SOS1: variants seen among roughly 807,000 people sequenced by gnomAD.
SOS1 encodes SOS Ras/Rac guanine nucleotide exchange factor 1, also known as son of sevenless homolog 1.
SOS1 carries 25 observed loss-of-function variants against 157.6 expected under a neutral mutation model. That is an observed-to-expected ratio of 0.16 (90% CI 0.12 to 0.22). The LOEUF is 0.22. Ranked by LOEUF, SOS1 falls within the 10% of genes least tolerant of loss-of-function variation. The pLI, the probability that SOS1 is intolerant of heterozygous loss-of-function variation, is 1.00. For synonymous variants in SOS1, 528 were observed against 534.0 expected, an observed-to-expected ratio of 0.99 and a Z score of 0.16; for missense variants, 1,237 against 1,599.1, an observed-to-expected ratio of 0.77 and a Z score of 3.86.
chr2:39,010,885 T>C (rs1346161425), intron 14 of SOS1, among the ~76,000 whole-genome samples, 182 bp from the exon 15 acceptor site: 1 of 138,786 alleles, frequency 7.2e-6, no homozygotes, highest in Non-Finnish European at 1.5e-5. Flanking sequence ...TCCTTATGGA[T>C]TTTTTTTAAA....
At chr2:39,074,477 T>C (rs1308501341) in intron 1 of SOS1, among the ~76,000 whole-genome samples, 8 of 151,662 alleles carry the variant, frequency 5.3e-5, no homozygotes, top group African/African-American at 9.7e-5. Context: ...GGCAGGAGAA[T>C]TGCTTGAACC....
At chr2:39,062,033 G>A (rs1310951468) in intron 2 of SOS1, among the ~76,000 whole-genome samples, 1 of 151,950 alleles carries the variant, frequency 6.6e-6, no homozygotes, top group African/African-American at 2.4e-5. Flanking sequence ...ACTTTGGTAT[G>A]TGTGGGAGAA....
At chr2:39,013,624 C>T in intron 12 of SOS1, 61 bp from the exon 13 acceptor site, 1 of 1,117,264 alleles carries the variant, frequency 9.0e-7, no homozygotes, top group Non-Finnish European at 1.4e-6. Context: ...TATCACAATG[C>T]ACAGTACAAT....
intron 17 of SOS1, among the ~76,000 whole-genome samples, chr2:39,000,891 G>C (rs1030590201): frequency 5.3e-5 from 8 of 152,150 alleles, no homozygotes; most frequent in Non-Finnish European, 8.8e-5. Context: ...CAGGATATGA[G>C]AATCAATTCT....
At chr2:39,003,208 G>A (rs1005543540) in intron 17 of SOS1, among the ~76,000 whole-genome samples, 1 of 151,810 alleles carries the variant, frequency 6.6e-6, no homozygotes, top group Non-Finnish European at 1.5e-5. Flanking sequence ...AAGCAAGTAA[G>A]TGAAAACAGA....
intron 1 of SOS1, among the ~76,000 whole-genome samples, chr2:39,115,013 C>T (rs770877235): frequency 1.3e-5 from 2 of 152,126 alleles, no homozygotes; most frequent in Non-Finnish European, 2.9e-5. Flanking sequence ...CTGCTATCTC[C>T]CTATACACTA....
chr2:39,090,341 G>A (rs975664476), intron 1 of SOS1, among the ~76,000 whole-genome samples: 2 of 152,022 alleles, frequency 1.3e-5, no homozygotes, highest in Non-Finnish European at 2.9e-5. Flanking sequence ...TGGGGGCTGG[G>A]GGCTGGTTGA....
chr2:39,085,565 A>T (rs1250222961), intron 1 of SOS1, among the ~76,000 whole-genome samples: 3 of 152,230 alleles, frequency 2.0e-5, no homozygotes, highest in Admixed American at 1.3e-4. Context: ...TAGTAAACCA[A>T]AGCCATAACA....
At chr2:39,052,151 AGAGT>A (rs1671038231) in intron 5 of SOS1, among the ~76,000 whole-genome samples, 1 of 152,214 alleles carries the variant, frequency 6.6e-6, no homozygotes, top group Non-Finnish European at 1.5e-5. Flanking sequence ...CCATATAAAT[AGAGT>A]GACTATCCTT....
At position 39,093,911 on chromosome 2, in the gene SOS1, G is replaced by A. The variant is rs2148192255; in HGVS notation, c.88-26158C>T. Among the ~76,000 whole-genome samples the A allele has an allele frequency of 1.3e-5, 2 of 152,262 alleles. 1 individual carries two copies. The highest frequency in any genetic ancestry group is 4.1e-4 in the South Asian group (2 of 4,828). ...TAACCTAAAAGAAACTACCACTTGT[G>A]GGGTTTGACATTAAAGAAAAATACA... is the stretch of plus-strand genomic sequence containing the variant. On this transcript the variant is annotated intron_variant, in intron 1 of 22. Coordinates refer to ENST00000402219, the MANE Select transcript of SOS1 (RefSeq NM_005633.4).
At chr2:39,068,032 T>C (rs1312387772) in intron 1 of SOS1, among the ~76,000 whole-genome samples, 4 of 152,076 alleles carry the variant, frequency 2.6e-5, no homozygotes, top group African/African-American at 7.2e-5. Context: ...GGCAGGAGAA[T>C]TGCTGGAACC....
chr2:39,012,289 C>T lies in SOS1; in HGVS notation c.2227G>A (p.Ala743Thr). Residue 743 changes from alanine (A) to threonine (T), a missense_variant, in exon 14 of 23, where the codon GCA (alanine) becomes ACA (threonine). Physicochemically the swap from Ala to Thr is moderately conservative, Grantham distance 58. Transcript: ENST00000402219. ...ITKIIQRKKI[A>T]RDNGPGHNIT... ...TTATGACCTGGTCCATTGTCTCTTG[C>T]AATTTTTTTCCTTTGGATTATTTTA... 1.2e-6 allele frequency: 2 copies of T among 1,613,256 alleles called. No homozygotes were observed. Among genetic ancestry groups the T allele is most frequent in the Non-Finnish European group, 1.7e-6 (2 of 1,179,428 alleles).
Position 39,056,842 on chromosome 2 carries a change from G to A in SOS1, c.370C>T (p.His124Tyr). Residue 124 changes from histidine to tyrosine, a missense_variant, in exon 4 of 23, where the codon CAC becomes TAC. Transcript: ENST00000402219. ...LKEVLGYKID[H>Y]QVSVYIVAVL... is the part of the protein sequence containing the mutation. ...GCTACTATGTAAACAGAAACCTGGT[G>A]GTCAATTTTATAACCTAGGACCTCC... is the stretch of plus-strand genomic sequence containing the variant. The A allele has an allele frequency of 6.2e-7, 1 of 1,609,724 alleles. No homozygotes were observed. The highest frequency in any genetic ancestry group is 8.5e-7 in the Non-Finnish European group (1 of 1,176,364).
chr2:39,035,812 T>C (rs1670322853), intron 6 of SOS1, among the ~76,000 whole-genome samples: 2 of 152,098 alleles, frequency 1.3e-5, no homozygotes, highest in Admixed American at 1.3e-4. Flanking sequence ...AGAAAACAAA[T>C]CTTAACTTGA....
rs776731036 is a variant in SOS1, at chr2:39,013,826, G to T, written c.2063+41C>A. ...TATATACTTCAACATTGAAACGAAA[G>T]TTTGATAAAGACTTATTTACTTCAT... On this transcript the variant is annotated intron_variant, in intron 12 of 22. Coordinates refer to ENST00000402219, the MANE Select transcript of SOS1 (RefSeq NM_005633.4). The T allele has an allele frequency of 3.2e-6, 5 of 1,577,750 alleles. No homozygotes were observed. The Admixed American group carries it at 8.4e-5, about 26-fold the overall frequency.
At chr2:39,069,558 A>G (rs533983515) in intron 1 of SOS1, among the ~76,000 whole-genome samples, 4 of 151,938 alleles carry the variant, frequency 2.6e-5, no homozygotes, top group African/African-American at 9.6e-5. Flanking sequence ...TTCATTTTTT[A>G]TTTTTTTGAG....
At chr2:38,992,686 T>A (rs1226134917) in intron 20 of SOS1, 1 of 152,196 alleles carries the variant, frequency 6.6e-6, no homozygotes, top group East Asian at 1.9e-4. Context: ...GGCTTTTATG[T>A]GGTTTCAATA....
chr2:39,038,303 T>C (rs1393260526), intron 6 of SOS1, among the ~76,000 whole-genome samples: 1 of 152,132 alleles, frequency 6.6e-6, no homozygotes, highest in South Asian at 2.1e-4. Context: ...AAGACTTTAG[T>C]TGGAGGAAGT....
chr2:39,075,817 T>G (rs773090302), intron 1 of SOS1, among the ~76,000 whole-genome samples: 11 of 152,166 alleles, frequency 7.2e-5, no homozygotes, highest in African/African-American at 2.4e-4. Context: ...GAGAAAATTA[T>G]GAAAAACTTC....
Sources: allele counts gnomAD v4.1 joint callset (sites outside exome capture counted in the v4.1 genomes callset), GRCh38; gene constraint gnomAD v4.1.1; transcripts MANE v1.5; gene names NCBI Gene and HGNC (gene_info 2026-07-23, HGNC 2026-07-21).